Variants in PDE1A observed in about 807,000 individuals in gnomAD.
PDE1A encodes the protein phosphodiesterase 1A, also known as dual specificity calcium/calmodulin-dependent 3',5'-cyclic nucleotide phosphodiesterase 1A.
Under a neutral mutation model 61.7 loss-of-function variants are expected in PDE1A, and 35 were observed. That is an observed-to-expected ratio of 0.57 (90% CI 0.43 to 0.75). PDE1A has a LOEUF of 0.75. Among genes scored for constraint, PDE1A ranks in the 30% least tolerant of loss-of-function variants. PDE1A has a pLI of 0.00. For missense variants in PDE1A, 597 were observed against 630.6 expected, an observed-to-expected ratio of 0.95 and a Z score of 0.57; for synonymous variants, 232 against 213.2, an observed-to-expected ratio of 1.09 and a Z score of -0.77.
the PDE1A span, among the ~76,000 whole-genome samples, chr2:182,565,016 G>A: frequency 6.6e-6 from 1 of 152,122 alleles, no homozygotes; most frequent in African/African-American, 2.4e-5. Flanking sequence ...CTGTAGCTCG[G>A]AGTAGTTTGT....
At chr2:182,386,763 G>A (rs1701121379) in intron 1 of PDE1A, among the ~76,000 whole-genome samples, 1 of 151,502 alleles carries the variant, frequency 6.6e-6, no homozygotes, top group African/African-American at 2.4e-5. Context: ...TGGAGGGCCA[G>A]CCCCCACCCG....
intron 1 of PDE1A, among the ~76,000 whole-genome samples, chr2:182,276,820 G>A (rs568329341): frequency 9.8e-4 from 149 of 152,068 alleles, no homozygotes; most frequent in Admixed American, 4.7e-3. Flanking sequence ...GAATGCATTC[G>A]TTGGGGGAGG....
chr2:182,289,271 C>A (rs1574261837), intron 1 of PDE1A, among the ~76,000 whole-genome samples: 1 of 152,036 alleles, frequency 6.6e-6, no homozygotes, highest in African/African-American at 2.4e-5. Context: ...ACTTCTTTCC[C>A]TTTCTAGCTA....
intron 2 of PDE1A, among the ~76,000 whole-genome samples, chr2:182,494,971 G>A (rs1046189136): frequency 3.9e-5 from 6 of 152,018 alleles, no homozygotes; most frequent in South Asian, 2.1e-4. Context: ...AGTTTCTAAG[G>A]CTATCCTCTA....
At chr2:182,282,285 C>A (rs1386874962) in intron 1 of PDE1A, among the ~76,000 whole-genome samples, 1 of 151,978 alleles carries the variant, frequency 6.6e-6, no homozygotes, top group Non-Finnish European at 1.5e-5. Context: ...AAGAGATGAT[C>A]ATTGTCAGGA....
At chr2:182,611,843 G>T in the PDE1A span, among the ~76,000 whole-genome samples, 1 of 152,188 alleles carries the variant, frequency 6.6e-6, no homozygotes, top group Non-Finnish European at 1.5e-5. Flanking sequence ...ACTGATGACC[G>T]GCTTTAAATA....
chr2:182,370,115 T>C (rs910598732), intron 1 of PDE1A, among the ~76,000 whole-genome samples: 4 of 151,818 alleles, frequency 2.6e-5, no homozygotes, highest in African/African-American at 9.7e-5. Context: ...AGGCAGAGGT[T>C]GCAGTGAGCT....
At chr2:182,684,193 A>C in the PDE1A span, among the ~76,000 whole-genome samples, 6 of 151,922 alleles carry the variant, frequency 3.9e-5, no homozygotes, top group African/African-American at 1.4e-4. Flanking sequence ...AAAAAAAATT[A>C]TATAAAAATG....
chr2:182,356,165 T>C (rs146603847), intron 1 of PDE1A, among the ~76,000 whole-genome samples: 1,903 of 152,202 alleles, frequency 0.013, 24 homozygotes, highest in South Asian at 0.048. Flanking sequence ...AGACTTAAAG[T>C]GGTGTGCAGT....
intron 2 of PDE1A, among the ~76,000 whole-genome samples, chr2:182,496,351 T>A (rs531396455): frequency 6.6e-6 from 1 of 152,372 alleles, no homozygotes; most frequent in East Asian, 1.9e-4. Flanking sequence ...AATCATTCCA[T>A]TTGGAAAACA....
At chr2:182,527,328 ATATATATATAT>A (rs1318756120), upstream of PDE1A, among the ~76,000 whole-genome samples, 22 of 9,200 alleles carry the variant, frequency 2.4e-3, 2 homozygotes, top group African/African-American at 3.3e-3. Flanking sequence ...AAAAAAAAAA[ATATATATATAT>A]ATATATATAT....
intron 2 of PDE1A, among the ~76,000 whole-genome samples, chr2:182,460,869 T>C (rs1686238593): frequency 6.6e-6 from 1 of 152,166 alleles, no homozygotes; most frequent in Admixed American, 6.6e-5. Flanking sequence ...TGGCAAAAAC[T>C]GCAATGACTT....
the PDE1A span, chr2:182,715,971 A>T: frequency 6.6e-6 from 1 of 152,122 alleles, no homozygotes; most frequent in East Asian, 1.9e-4. Context: ...TTTCCCCGTC[A>T]CCCTGGCAAC....
the PDE1A span, among the ~76,000 whole-genome samples, chr2:182,676,342 C>T: frequency 1.3e-5 from 2 of 151,976 alleles, no homozygotes; most frequent in African/African-American, 2.4e-5. Flanking sequence ...TGGACACATA[C>T]ACCCTCCAAA....
intron 1 of PDE1A, among the ~76,000 whole-genome samples, chr2:182,266,367 C>T (rs1385175774): frequency 6.6e-6 from 1 of 151,906 alleles, no homozygotes; most frequent in African/African-American, 2.4e-5. Context: ...TGGTTATGAC[C>T]CAAGAACATT....
intron 1 of PDE1A, among the ~76,000 whole-genome samples, chr2:182,332,023 A>G (rs759297964): frequency 9.2e-5 from 14 of 151,976 alleles, no homozygotes; most frequent in Non-Finnish European, 1.8e-4. Context: ...ATAGTCTTAT[A>G]TTTCTTGGCG....
At chr2:182,212,467 G>A (rs960326954) in intron 7 of PDE1A, among the ~76,000 whole-genome samples, 11 of 152,168 alleles carry the variant, frequency 7.2e-5, no homozygotes, top group East Asian at 1.9e-4. Flanking sequence ...CGTGAGCGAC[G>A]CAGAAGACGG....
intron 1 of PDE1A, chr2:182,522,450 A>C: frequency 6.2e-7 from 1 of 1,604,572 alleles, no homozygotes; most frequent in African/African-American, 1.3e-5. Flanking sequence ...TCCATTACAA[A>C]TCTTACACAC....
rs118037725 is a variant in PDE1A, at chr2:182,394,400, C to A, written c.53+32178G>T. 3.9e-3 allele frequency among the ~76,000 whole-genome samples: 591 copies of A among 152,196 alleles called. 6 individuals are homozygous for A. The East Asian group carries it at 0.045, about 11-fold the overall frequency. On this transcript the variant is annotated intron_variant, in intron 1 of 13. Coordinates refer to ENST00000351439, the Ensembl canonical transcript of PDE1A. The stretch of plus-strand genomic sequence containing the variant: ...CCAAAACAGCATGGGAAATTCCCAC[C>A]CCCATGATTCAATTACCTCCCACCA...
Sources: allele counts gnomAD v4.1 joint callset (sites outside exome capture counted in the v4.1 genomes callset), GRCh38; gene constraint gnomAD v4.1.1; transcripts MANE v1.5; gene names NCBI Gene and HGNC (gene_info 2026-07-23, HGNC 2026-07-21).